TMEM87B: variants seen among roughly 807,000 people sequenced by gnomAD.
The protein encoded by TMEM87B is transmembrane protein 87B.
In TMEM87B, 83 loss-of-function variants were observed where a neutral mutation model predicts 80.3. The observed-to-expected ratio is 1.03, with a 90% CI of 0.87 to 1.24. The LOEUF (loss-of-function observed/expected upper bound fraction) is 1.24, where lower values mean the gene tolerates loss of function less well. Among genes scored for constraint, TMEM87B ranks in the 50% most tolerant of loss-of-function variants. TMEM87B has a pLI of 0.00. For synonymous variants in TMEM87B, 219 were observed against 230.5 expected, an observed-to-expected ratio of 0.95 and a Z score of 0.45; for missense variants, 625 against 674.4, an observed-to-expected ratio of 0.93 and a Z score of 0.81.
In TMEM87B at chr2:112,118,768, C is replaced by T. The variant is rs1298596088; in HGVS notation, c.*2625C>T. The T allele has an allele frequency of 1.3e-5, 2 of 151,998 alleles. No homozygotes were observed. The highest frequency in any genetic ancestry group is 2.9e-5 in the Non-Finnish European group (2 of 67,998). The allele number at this position is 151,998 out of a possible 1,614,324, so 9.4% of individuals were successfully genotyped here. On this transcript the variant is annotated 3_prime_UTR_variant, in exon 19 of 19. Transcript: ENST00000283206. The stretch of plus-strand genomic sequence containing the variant: ...ATGTTTACATTACTATACTGTCAAG[C>T]TGAAAGTATAAAAAATGTACATATA...
chr2:112,080,950 A>C (rs567709530), intron 6 of TMEM87B, 107 bp from the exon 7 acceptor site: 2 of 907,276 alleles, frequency 2.2e-6, no homozygotes, highest in African/African-American at 1.7e-5. Context: ...ATACAAATTC[A>C]GCATTTGTTA....
chr2:112,059,883 G>A (rs1678191749), intron 1 of TMEM87B, 94 bp from the exon 2 acceptor site: 1 of 1,418,492 alleles, frequency 7.0e-7, no homozygotes, highest in African/African-American at 1.5e-5. Flanking sequence ...TCAGAGAGAG[G>A]AGTGCAAGGC....
intron 5 of TMEM87B, among the ~76,000 whole-genome samples, chr2:112,076,446 T>C (rs1341203656): frequency 1.3e-5 from 2 of 152,146 alleles, no homozygotes; most frequent in East Asian, 3.9e-4. Flanking sequence ...TTCAAGCGAT[T>C]CTTCTGTCTC....
intron 15 of TMEM87B, chr2:112,105,749 C>T (rs928729877): frequency 8.6e-6 from 3 of 349,284 alleles, no homozygotes; most frequent in East Asian, 1.0e-4. Flanking sequence ...CTTGTTTAAA[C>T]TCTAAAACTA....
chr2:112,095,338 G>C, intron 11 of TMEM87B: 10 of 983,676 alleles, frequency 1.0e-5, no homozygotes, highest in Non-Finnish European at 1.2e-5. Flanking sequence ...TCTCACTTCA[G>C]GATCAGAAGG....
Position 112,107,750 on chromosome 2 carries a change from T to C in TMEM87B, c.1525-38T>C, listed in dbSNP as rs182457437. 2.1e-4 allele frequency: 264 copies of C among 1,276,804 alleles called. 1 individual carries two copies. In the African/African-American group the frequency reaches 3.6e-3, roughly 17 times the overall value. 79.1% of individuals were successfully genotyped at this position (1,276,804 alleles called of 1,614,324 possible). ...CTGTTTTAAAAATTCTGCTGTCAGG[T>C]GATATTAAGCAAATGCTAAGTATAA... On this transcript the variant is annotated intron_variant, in intron 16 of 18. Coordinates refer to ENST00000283206, the MANE Select transcript of TMEM87B (RefSeq NM_032824.3).
rs1196069042 is a variant in TMEM87B at position 112,099,904 on chromosome 2, C to CA, written c.1377-710dup. Among the ~76,000 whole-genome samples, 292 of 144,340 alleles carry CA rather than the reference C, an allele frequency of 2.0e-3. 3 individuals are homozygous for CA. The highest frequency in any genetic ancestry group is 7.3e-3 in the South Asian group (33 of 4,546). The allele number at this position is 144,340 out of a possible 152,430, so 94.7% of individuals were successfully genotyped here. On this transcript the variant is annotated intron_variant, in intron 14 of 18. Coordinates refer to ENST00000283206, the MANE Select transcript of TMEM87B (RefSeq NM_032824.3). The stretch of plus-strand genomic sequence containing the variant: ...TCTCAAAAAAAAAAAAAAAAAACCA[C>CA]AAAAAAAACAACTATCTTTCCATAT...
chr2:112,072,895 CTTTTTTT>C (rs71226782), intron 4 of TMEM87B, among the ~76,000 whole-genome samples: 1 of 83,014 alleles, frequency 1.2e-5, no homozygotes, highest in African/African-American at 5.0e-5. Context: ...AACTCTTCTT[CTTTTTTT>C]TTTTTTTTTT....
At chr2:112,089,538 T>C in intron 9 of TMEM87B, 87 bp from the exon 10 acceptor site, 1 of 1,187,900 alleles carries the variant, frequency 8.4e-7, no homozygotes, top group Non-Finnish European at 1.3e-6. Flanking sequence ...CTTCCTGGTA[T>C]TGGAAATGGT....
chr2:112,067,340 G>A (rs1411323837), intron 4 of TMEM87B, among the ~76,000 whole-genome samples: 1 of 152,202 alleles, frequency 6.6e-6, no homozygotes, highest in African/African-American at 2.4e-5. Context: ...GGGCGCGGTG[G>A]CTCACACCTG....
intron 4 of TMEM87B, among the ~76,000 whole-genome samples, chr2:112,072,448 T>C (rs1678677422): frequency 1.3e-5 from 2 of 151,956 alleles, no homozygotes; most frequent in Non-Finnish European, 2.9e-5. Flanking sequence ...CATTTCAGAG[T>C]TTCTTATTGG....
chr2:112,091,734 TTC>T lies in TMEM87B; in HGVS notation c.1057_1058del (p.Leu353Ter). ...CAGGGTTCTAACCATTTAGCTGTTG[TTC>T]TTGATGACATTATTTTAGCAGTTAT... On this transcript the variant is annotated frameshift_variant, in exon 11 of 19. Coordinates refer to ENST00000283206, the MANE Select transcript of TMEM87B (RefSeq NM_032824.3). LOFTEE classifies it high-confidence loss of function. 1 of 1,613,468 alleles carries T rather than the reference TTC, an allele frequency of 6.2e-7. No individual in the cohort carries two copies.
At chr2:112,082,646 A>T (rs1157643144) in intron 8 of TMEM87B, among the ~76,000 whole-genome samples, 2 of 151,760 alleles carry the variant, frequency 1.3e-5, no homozygotes, top group Admixed American at 1.3e-4. Context: ...ACTCTGTAAG[A>T]AGTTTTTTAT....
In TMEM87B at chr2:112,077,299, T is replaced by C. The variant is rs10206255; in HGVS notation, c.592+17T>C. On this transcript the variant is annotated intron_variant, in intron 6 of 18. Coordinates refer to ENST00000283206, the MANE Select transcript of TMEM87B (RefSeq NM_032824.3). ...ATTTGAATGGTATAGTTAAACTGCATGCATGTTTACTGTCTGCATTTTCTG... is the reference window on the plus strand; with the variant it reads ...ATTTGAATGGTATAGTTAAACTGCACGCATGTTTACTGTCTGCATTTTCTG... 28,161 of 1,384,654 alleles carry C rather than the reference T, an allele frequency of 0.02. 354 individuals carry two copies. The highest frequency in any genetic ancestry group is 0.029 in the African/African-American group (2,042 of 69,566). 85.8% of individuals were successfully genotyped at this position (1,384,654 alleles called of 1,614,324 possible).
intron 6 of TMEM87B, 21 bp downstream of exon 6, chr2:112,077,303 T>G: frequency 7.7e-7 from 1 of 1,300,994 alleles, no homozygotes; most frequent in Non-Finnish European, 1.1e-6. Flanking sequence ...ACTGCATGCA[T>G]GTTTACTGTC....
At chr2:112,095,273 C>A (rs1679434494) in intron 11 of TMEM87B, 1 of 964,842 alleles carries the variant, frequency 1.0e-6, no homozygotes, top group African/African-American at 2.0e-5. Flanking sequence ...CCCCCTCTCT[C>A]TCCTTGACTC....
chr2:112,101,643 T>G (rs1461774647), intron 15 of TMEM87B, among the ~76,000 whole-genome samples: 1 of 152,174 alleles, frequency 6.6e-6, no homozygotes, highest in Non-Finnish European at 1.5e-5. Context: ...AAGAAAATGT[T>G]ATTAGGTAGA....
intron 4 of TMEM87B, 152 bp downstream of exon 4, chr2:112,067,219 T>C: frequency 9.4e-7 from 1 of 1,065,770 alleles, no homozygotes; most frequent in Non-Finnish European, 1.4e-6. Context: ...AATACAAGTA[T>C]CAACTGAAGT....
At chr2:112,092,372 C>G (rs1007384679) in intron 11 of TMEM87B, among the ~76,000 whole-genome samples, 1 of 152,098 alleles carries the variant, frequency 6.6e-6, no homozygotes, top group African/African-American at 2.4e-5. Context: ...CATGGGAGAG[C>G]CTTGGCAGGC....
Sources: allele counts gnomAD v4.1 joint callset (sites outside exome capture counted in the v4.1 genomes callset), GRCh38; gene constraint gnomAD v4.1.1; transcripts MANE v1.5; gene names NCBI Gene and HGNC (gene_info 2026-07-23, HGNC 2026-07-21).